BCAS3: variants seen among roughly 807,000 people sequenced by gnomAD.
BCAS3 encodes the protein BCAS3 microtubule associated cell migration factor.
BCAS3 carries 53 observed loss-of-function variants against 116.1 expected under a neutral mutation model. The ratio of observed to expected loss-of-function variants is 0.46; its 90% CI spans 0.37 to 0.57. The LOEUF is 0.57. BCAS3 is among the 20% of genes least tolerant of loss of function. BCAS3 has a pLI of 0.00. For missense variants in BCAS3, 917 were observed against 1,165.4 expected (o/e 0.79, Z 3.10); for synonymous variants, 391 against 408.2 (o/e 0.96, Z 0.51).
At position 60,919,673 on chromosome 17, in the gene BCAS3, TG is replaced by T. The variant is rs200735717; in HGVS notation, c.994-4733del. On this transcript the variant is annotated intron_variant, in intron 12 of 23. Transcript: ENST00000407086. ...TCATAGGGGAAGGCTTTTTCCTGTG[TG>T]TTTTTTTTTTTAAAATAATGACAAG... Among the ~76,000 whole-genome samples the T allele has an allele frequency of 8.1e-3, 854 of 105,446 alleles. 11 individuals are homozygous for T. Among genetic ancestry groups the T allele is most frequent in the African/African-American group, 0.035 (805 of 23,238 alleles). 69.2% of individuals were successfully genotyped at this position (105,446 alleles called of 152,430 possible).
At chr17:61,173,219 G>A (rs1358999588) in intron 22 of BCAS3, among the ~76,000 whole-genome samples, 1 of 152,180 alleles carries the variant, frequency 6.6e-6, no homozygotes, top group Non-Finnish European at 1.5e-5. Flanking sequence ...GGGAGGCCAA[G>A]GCGGGAGGAT....
chr17:60,856,500 C>T (rs2053685575), intron 7 of BCAS3, among the ~76,000 whole-genome samples: 1 of 151,964 alleles, frequency 6.6e-6, no homozygotes. Context: ...ACTAGCCTGG[C>T]CAACATTGTG....
rs935252093 is a variant in BCAS3 at position 61,261,365 on chromosome 17, T to C, written c.2426-106962T>C. On this transcript the variant is annotated intron_variant, in intron 22 of 23. Coordinates refer to ENST00000407086, the MANE Select transcript of BCAS3 (RefSeq NM_017679.5). The surrounding 1 kb of genome is among the most constrained non-coding windows in gnomAD (Gnocchi z 4.4). Reference sequence around the variant, plus strand: ...CTGCTTATTCTCTGCTGCAGGATGCTACCCCCTGACCCTTTATAAGTCAGC... The same window carrying C: ...CTGCTTATTCTCTGCTGCAGGATGCCACCCCCTGACCCTTTATAAGTCAGC... Among the ~76,000 whole-genome samples, 3 of 152,238 alleles carry C rather than the reference T, an allele frequency of 2.0e-5. No homozygotes were observed. The highest frequency in any genetic ancestry group is 4.4e-5 in the Non-Finnish European group (3 of 68,030).
At chr17:60,868,824 A>G in intron 8 of BCAS3, 141 bp downstream of exon 8, 1 of 499,746 alleles carries the variant, frequency 2.0e-6, no homozygotes, top group Non-Finnish European at 3.5e-6. Flanking sequence ...TGTTCAGTGG[A>G]ATAACTCTAA....
At chr17:60,743,699 A>G (rs974139081) in intron 5 of BCAS3, among the ~76,000 whole-genome samples, 1 of 152,198 alleles carries the variant, frequency 6.6e-6, no homozygotes, top group Non-Finnish European at 1.5e-5. Context: ...AAGTTTAGAA[A>G]TAAGTTTGAT....
chr17:61,362,948 C>T lies in BCAS3; in HGVS notation c.2426-5379C>T, dbSNP rs1297453543. The T allele has an allele frequency of 6.6e-6, 1 of 152,224 alleles. No individual in the cohort carries two copies. Among genetic ancestry groups the T allele is most frequent in the Non-Finnish European group, 1.5e-5 (1 of 68,042 alleles). 9.4% of individuals were successfully genotyped at this position (152,224 alleles called of 1,614,324 possible). Reference sequence around the variant, plus strand: ...TAGATATTCAGGCTCTGGTACCCCACCCAAAGGGTGTTGACTGCAAACTGA... The same window carrying T: ...TAGATATTCAGGCTCTGGTACCCCATCCAAAGGGTGTTGACTGCAAACTGA... On this transcript the variant is annotated intron_variant, in intron 22 of 23. Transcript: ENST00000407086. The surrounding 1 kb of genome is among the most constrained non-coding windows in gnomAD (Gnocchi z 4.4).
At position 61,288,411 on chromosome 17, in the gene BCAS3, G is replaced by A. The variant is rs186299866; in HGVS notation, c.2426-79916G>A. ...TGTTGGGAGTGGATCCAGGCAGCAA[G>A]GGCCCAAGGTTATCAAGTACAAGGG... On this transcript the variant is annotated intron_variant, in intron 22 of 23. Coordinates refer to ENST00000407086, the MANE Select transcript of BCAS3 (RefSeq NM_017679.5). Among the ~76,000 whole-genome samples, 45 of 152,304 alleles carry A rather than the reference G, an allele frequency of 3.0e-4. 1 individual carries two copies. The highest frequency in any genetic ancestry group is 1.0e-3 in the African/African-American group (43 of 41,562).
chr17:61,182,864 G>C (rs375376665), intron 22 of BCAS3, among the ~76,000 whole-genome samples: 1 of 152,202 alleles, frequency 6.6e-6, no homozygotes, highest in Non-Finnish European at 1.5e-5. Context: ...TCTTGTGGCC[G>C]TGGGCCCCTT....
chr17:61,195,816 A>T (rs1250909675), intron 22 of BCAS3, among the ~76,000 whole-genome samples: 2 of 152,208 alleles, frequency 1.3e-5, no homozygotes, highest in African/African-American at 2.4e-5. Flanking sequence ...TTGTGACTAC[A>T]GTTATGCACA....
chr17:60,725,460 C>T (rs146919982), intron 5 of BCAS3, among the ~76,000 whole-genome samples: 27 of 152,180 alleles, frequency 1.8e-4, no homozygotes, highest in Non-Finnish European at 2.4e-4. Context: ...TCAAGTATTA[C>T]GAGATACAAA....
At chr17:61,044,465 A>AAAAAATATATATAT in intron 19 of BCAS3, among the ~76,000 whole-genome samples, 1 of 120,126 alleles carries the variant, frequency 8.3e-6, no homozygotes, top group African/African-American at 5.0e-5. Context: ...AAAAAAAAAA[A>AAAAAATATATATAT]ATATATATAT....
intron 5 of BCAS3, among the ~76,000 whole-genome samples, chr17:60,710,805 CTTTT>C (rs547993917): frequency 1.5e-5 from 2 of 135,028 alleles, no homozygotes; most frequent in Admixed American, 7.5e-5. Flanking sequence ...CCATTCTGTT[CTTTT>C]TTTTTTTTTT....
chr17:60,687,062 A>G (rs189598948), intron 3 of BCAS3, among the ~76,000 whole-genome samples: 1 of 152,366 alleles, frequency 6.6e-6, no homozygotes, highest in East Asian at 1.9e-4. Context: ...GACAACATAC[A>G]GAATGACACC....
Position 61,337,264 on chromosome 17 carries a change from G to A in BCAS3, c.2426-31063G>A, listed in dbSNP as rs1037991643. ...TGTCTGTAAATAGAGGCAGTTGCAG[G>A]TTCACGTATCTTGGGAAGTTATTGG... On this transcript the variant is annotated intron_variant, in intron 22 of 23. Coordinates refer to ENST00000407086, the MANE Select transcript of BCAS3 (RefSeq NM_017679.5). This position sits in a 1 kb window ranked among gnomAD's most constrained non-coding sequence, Gnocchi z 4.8. Among the ~76,000 whole-genome samples the A allele has an allele frequency of 6.6e-6, 1 of 152,230 alleles. No individual in the cohort carries two copies. The highest frequency in any genetic ancestry group is 1.5e-5 in the Non-Finnish European group (1 of 68,040).
In BCAS3 at chr17:61,388,951, C is replaced by G; in HGVS notation, c.2594-3026C>G. 2.0e-6 allele frequency: 1 copy of G among 509,230 alleles called. No homozygotes were observed. 31.5% of individuals were successfully genotyped at this position (509,230 alleles called of 1,614,324 possible). ...GTTGAAGAATGGGCCCCCACCTCCC[C>G]TTACCACATCATTCATTCATTCATT... is the stretch of plus-strand genomic sequence containing the variant. On this transcript the variant is annotated intron_variant, in intron 23 of 23. Coordinates refer to ENST00000407086, the MANE Select transcript of BCAS3 (RefSeq NM_017679.5). The surrounding 1 kb of genome is among the most constrained non-coding windows in gnomAD (Gnocchi z 6.5).
intron 22 of BCAS3, among the ~76,000 whole-genome samples, chr17:61,184,355 C>CA (rs35667500): frequency 0.65 from 98,447 of 151,298 alleles, 35,134 homozygotes; most frequent in South Asian, 0.86. Context: ...TTTTAAATGA[C>CA]AAAAAAAAGA....
intron 22 of BCAS3, among the ~76,000 whole-genome samples, chr17:61,167,500 C>G (rs2078579480): frequency 6.6e-6 from 1 of 152,226 alleles, no homozygotes; most frequent in Admixed American, 6.5e-5. Context: ...GAAATAAAAT[C>G]TCACTATAGA....
intron 4 of BCAS3, among the ~76,000 whole-genome samples, chr17:60,690,984 G>A (rs1229581439): frequency 6.6e-6 from 1 of 152,196 alleles, no homozygotes; most frequent in East Asian, 1.9e-4. Context: ...CCAGGCTGGA[G>A]TGCAGTGGAA....
At position 61,087,065 on chromosome 17, in the gene BCAS3, CAT is replaced by C. The variant is rs1207128730; in HGVS notation, c.2425+2504_2425+2505del. The C allele has an allele frequency of 4.1e-6, 4 of 984,806 alleles. No individual in the cohort carries two copies. The highest frequency in any genetic ancestry group is 1.7e-5 in the African/African-American group (1 of 57,196). 61.0% of individuals were successfully genotyped at this position (984,806 alleles called of 1,614,324 possible). On this transcript the variant is annotated intron_variant, in intron 22 of 23. Transcript: ENST00000407086. This position sits in a 1 kb window ranked among gnomAD's most constrained non-coding sequence, Gnocchi z 4.6. ...AAATAATTTGAGTTCTTTATGTAAA[CAT>C]ATTTATGGGAAAATTTTGTTGTAGA...
Sources: allele counts gnomAD v4.1 joint callset (sites outside exome capture counted in the v4.1 genomes callset), GRCh38; gene constraint gnomAD v4.1.1; non-coding constraint Gnocchi (gnomAD v3.1); transcripts MANE v1.5; gene names NCBI Gene and HGNC (gene_info 2026-07-23, HGNC 2026-07-21).